XIRP2: variants seen among roughly 807,000 people sequenced by gnomAD.
XIRP2 encodes the protein xin actin-binding repeat-containing protein 2.
Under a neutral mutation model 277.0 loss-of-function variants are expected in XIRP2, and 236 were observed. The ratio of observed to expected loss-of-function variants is 0.85; its 90% CI spans 0.77 to 0.95. XIRP2 has a LOEUF of 0.95. Ranked by LOEUF, XIRP2 falls within the 40% of genes least tolerant of loss-of-function variation. The probability of loss-of-function intolerance (pLI) is 0.00; values close to 1 mark genes in which losing one functional copy is unlikely to be tolerated. For missense variants in XIRP2, 4,640 were observed against 4,157.5 expected, an observed-to-expected ratio of 1.12 and a Z score of -3.19; for synonymous variants, 1,490 against 1,416.5, an observed-to-expected ratio of 1.05 and a Z score of -1.17.
intron 3 of XIRP2, among the ~76,000 whole-genome samples, chr2:167,145,011 G>C (rs1042136993): frequency 1.3e-5 from 2 of 152,218 alleles, no homozygotes; most frequent in African/African-American, 2.4e-5. Context: ...TATTTGAATC[G>C]CTATCCTTGT....
At chr2:166,951,142 T>C (rs116210784) in intron 2 of XIRP2, among the ~76,000 whole-genome samples, 135 of 152,176 alleles carry the variant, frequency 8.9e-4, no homozygotes, top group African/African-American at 2.8e-3. Flanking sequence ...GTTTTAAACA[T>C]AAATATGCAA....
chr2:167,240,773 C>G, intron 7 of XIRP2, 37 bp downstream of exon 7: 1 of 1,564,132 alleles, frequency 6.4e-7, no homozygotes. Flanking sequence ...ATACTCCTTT[C>G]TCCTATTGAT....
At chr2:167,078,382 G>T (rs1689629592) in intron 2 of XIRP2, among the ~76,000 whole-genome samples, 1 of 152,118 alleles carries the variant, frequency 6.6e-6, no homozygotes, top group South Asian at 2.1e-4. Flanking sequence ...TCAGTCTTTA[G>T]GGTTTTCTAA....
chr2:167,244,648 A>G lies in XIRP2; in HGVS notation c.3256A>G (p.Ile1086Val). 6.2e-7 allele frequency: 1 copy of G among 1,613,506 alleles called. No homozygotes were observed. Among genetic ancestry groups the G allele is most frequent in the Non-Finnish European group, 8.5e-7 (1 of 1,179,700 alleles). ...AAGTAAAACTGAACAAACTAGAGAT[A>G]TTGTTAAAGGGGATGTCAAAACCTG... is the stretch of plus-strand genomic sequence containing the variant. ...TESKTEQTRD[I>V]VKGDVKTCKW... The change falls in exon 9 of 11, where the codon ATT becomes GTT. Residue 1086 changes from isoleucine to valine, a missense_variant. Physicochemically the swap from Ile to Val is conservative, Grantham distance 29. Coordinates refer to ENST00000409195, the MANE Select transcript of XIRP2 (RefSeq NM_152381.6).
intron 2 of XIRP2, among the ~76,000 whole-genome samples, chr2:167,121,615 G>A (rs2105304970): frequency 6.6e-6 from 1 of 152,154 alleles, no homozygotes; most frequent in South Asian, 2.1e-4. Flanking sequence ...TTTTAAGAGT[G>A]GATATAGTCT....
intron 1 of XIRP2, among the ~76,000 whole-genome samples, chr2:166,896,959 G>A (rs143986751): frequency 1.1e-3 from 163 of 152,256 alleles, no homozygotes; most frequent in East Asian, 0.011. Context: ...ATGCTGTACA[G>A]CTGTTAGCCT....
chr2:167,156,134 G>T (rs1307457766), intron 3 of XIRP2, among the ~76,000 whole-genome samples: 1 of 151,782 alleles, frequency 6.6e-6, no homozygotes, highest in South Asian at 2.1e-4. Flanking sequence ...CATGCTCATG[G>T]GTAGGAAGAA....
chr2:167,079,323 G>T (rs532890403), intron 2 of XIRP2, among the ~76,000 whole-genome samples: 1 of 152,044 alleles, frequency 6.6e-6, no homozygotes, highest in African/African-American at 2.4e-5. Context: ...ACCATATTTT[G>T]GTATCAGAGT....
chr2:167,233,738 T>A (rs1694824380), intron 5 of XIRP2, among the ~76,000 whole-genome samples: 1 of 151,764 alleles, frequency 6.6e-6, no homozygotes, highest in Non-Finnish European at 1.5e-5. Context: ...TTATCTGTAA[T>A]TTCATTTCCC....
chr2:167,248,089 A>C lies in XIRP2; in HGVS notation c.6697A>C (p.Asn2233His). Residue 2233 changes from asparagine to histidine, a missense_variant, in exon 9 of 11, where the codon AAT becomes CAT. Coordinates refer to ENST00000409195, the MANE Select transcript of XIRP2 (RefSeq NM_152381.6). ...TEMKVSEKSH[N>H]TFKATNKKRE... ...AATGAAAGTCTCTGAAAAAAGTCAC[A>C]ATACATTTAAGGCAACCAACAAAAA... 6.2e-7 allele frequency: 1 copy of C among 1,613,530 alleles called. No homozygotes were observed. The highest frequency in any genetic ancestry group is 8.5e-7 in the Non-Finnish European group (1 of 1,179,762).
chr2:167,005,677 AG>A (rs1040975795), intron 2 of XIRP2, among the ~76,000 whole-genome samples: 1 of 151,820 alleles, frequency 6.6e-6, no homozygotes, highest in Non-Finnish European at 1.5e-5. Context: ...ATTTACCCAG[AG>A]GTTAGCATGG....
intron 2 of XIRP2, among the ~76,000 whole-genome samples, chr2:166,981,314 T>C (rs1256344154): frequency 6.6e-6 from 1 of 152,160 alleles, no homozygotes; most frequent in Non-Finnish European, 1.5e-5. Flanking sequence ...TTGCTAGTAA[T>C]CCTTGTTTTA....
intron 1 of XIRP2, among the ~76,000 whole-genome samples, chr2:166,890,345 C>T (rs1684071337): frequency 6.6e-6 from 1 of 152,028 alleles, no homozygotes. Flanking sequence ...ATCAGAATCA[C>T]CTCTTGGTGC....
At chr2:167,061,574 A>G (rs1479936229) in intron 2 of XIRP2, among the ~76,000 whole-genome samples, 1 of 152,142 alleles carries the variant, frequency 6.6e-6, no homozygotes, top group Non-Finnish European at 1.5e-5. Context: ...ATCCGTGGAT[A>G]TGACTTTATT....
In XIRP2 at chr2:167,210,844, G is replaced by T. The variant is rs1466142789; in HGVS notation, c.672G>T (p.Ala224=). The T allele has an allele frequency of 6.2e-7, 1 of 1,614,026 alleles. No individual in the cohort carries two copies. Among genetic ancestry groups the T allele is most frequent in the Non-Finnish European group, 8.5e-7 (1 of 1,180,022 alleles). Residue 224 remains alanine (A), a synonymous_variant, in exon 4 of 11, where the codon GCG becomes GCT. Coordinates refer to ENST00000409195, the MANE Select transcript of XIRP2 (RefSeq NM_152381.6). ...TGGTCTCCCTGAAGGAGCGGATGGCGAGGTACCAGGCAGCTGTTTCCAGGG... is the reference window on the plus strand; with the variant it reads ...TGGTCTCCCTGAAGGAGCGGATGGCTAGGTACCAGGCAGCTGTTTCCAGGG... ...HEVVSLKERM[A]RYQAAVSRGD... is the part of the protein sequence containing the mutation.
At chr2:167,221,118 C>T (rs1694412727) in intron 5 of XIRP2, among the ~76,000 whole-genome samples, 1 of 152,074 alleles carries the variant, frequency 6.6e-6, no homozygotes, top group African/African-American at 2.4e-5. Context: ...TAAGAATAAA[C>T]TAGTAAACAC....
intron 2 of XIRP2, among the ~76,000 whole-genome samples, chr2:167,120,449 A>G (rs958953754): frequency 1.3e-5 from 2 of 152,188 alleles, no homozygotes; most frequent in African/African-American, 4.8e-5. Flanking sequence ...GCTTTGAATG[A>G]TAGCACAGTC....
intron 2 of XIRP2, among the ~76,000 whole-genome samples, chr2:166,939,603 C>A (rs1288075400): frequency 1.4e-5 from 2 of 147,618 alleles, no homozygotes; most frequent in African/African-American, 5.1e-5. Context: ...TGGCGTGAAC[C>A]CAGGAGGTGG....
chr2:167,249,356 T>G lies in XIRP2; in HGVS notation c.7964T>G (p.Met2655Arg), dbSNP rs751123658. ...GCAGCTTCAGAAGACAAAGATAAGA[T>G]GAAAAAGGAAGTTTTACAAAGCTCA... ...VLAASEDKDK[M>R]KKEVLQSSRD... Residue 2655 changes from methionine (M) to arginine (R), a missense_variant, in exon 9 of 11, where the codon ATG (methionine) becomes AGG (arginine). Met to Arg is a moderately conservative substitution (Grantham distance 91). Transcript: ENST00000409195. 6 of 1,613,684 alleles carry G rather than the reference T, an allele frequency of 3.7e-6. No homozygotes were observed. The highest frequency in any genetic ancestry group is 5.1e-6 in the Non-Finnish European group (6 of 1,179,804).
Sources: allele counts gnomAD v4.1 joint callset (sites outside exome capture counted in the v4.1 genomes callset), GRCh38; gene constraint gnomAD v4.1.1; transcripts MANE v1.5; gene names NCBI Gene and HGNC (gene_info 2026-07-23, HGNC 2026-07-21).